Variants in GRIN3A observed in about 807,000 individuals in gnomAD.
GRIN3A encodes the protein glutamate ionotropic receptor NMDA type subunit 3A.
Under a neutral mutation model 92.4 loss-of-function variants are expected in GRIN3A, and 47 were observed. The observed-to-expected ratio is 0.51, with a 90% CI of 0.40 to 0.65. The LOEUF (loss-of-function observed/expected upper bound fraction) is 0.65. Ranked by LOEUF, GRIN3A falls within the 30% of genes least tolerant of loss-of-function variation. The pLI, the probability that GRIN3A is intolerant of heterozygous loss-of-function variation, is 0.00. For missense variants in GRIN3A, 1,324 were observed against 1,393.1 expected (o/e 0.95, Z 0.79); for synonymous variants, 527 against 540.6 (o/e 0.97, Z 0.35).
chr9:101,573,229 C>A lies in GRIN3A; in HGVS notation c.3293G>T (p.Ser1098Ile). Residue 1098 changes from serine (S) to isoleucine (I), a missense_variant, in exon 9 of 9, where the codon AGC (serine) becomes ATC (isoleucine). Physicochemically the swap from Ser to Ile is moderately radical, Grantham distance 142. Coordinates refer to ENST00000361820, the MANE Select transcript of GRIN3A (RefSeq NM_133445.3). ...VIRQELQLAV[S>I]RKTELEEYQR... Reference sequence around the variant, plus strand: ...ATACTCCTCCAGCTCCGTTTTCCTGCTCACAGCCAGCTGCAGCTCCTGACG... The same window carrying A: ...ATACTCCTCCAGCTCCGTTTTCCTGATCACAGCCAGCTGCAGCTCCTGACG... 3 of 1,614,130 alleles carry A rather than the reference C, an allele frequency of 1.9e-6. No homozygotes were observed. Among genetic ancestry groups the A allele is most frequent in the Non-Finnish European group, 2.5e-6 (3 of 1,179,980 alleles).
chr9:101,737,243 A>C, intron 1 of GRIN3A, 38 bp downstream of exon 1: 1 of 1,560,464 alleles, frequency 6.4e-7, no homozygotes, highest in Non-Finnish European at 8.8e-7. Flanking sequence ...GGCCCCCAGC[A>C]GCGCCCATCT....
intron 6 of GRIN3A, chr9:101,595,062 G>T (rs1588240997): frequency 1.1e-6 from 1 of 899,204 alleles, no homozygotes; most frequent in East Asian, 2.6e-5. Context: ...GAGCAAAAGG[G>T]CAGGGGAGCG....
intron 6 of GRIN3A, chr9:101,593,000 C>T (rs1053573852): frequency 2.6e-5 from 4 of 152,188 alleles, no homozygotes; most frequent in Non-Finnish European, 4.4e-5. Flanking sequence ...GATGCTGGGA[C>T]AAGTCCTAGC....
intron 6 of GRIN3A, chr9:101,595,019 G>T (rs1588240960): frequency 2.8e-6 from 4 of 1,450,590 alleles, no homozygotes; most frequent in Non-Finnish European, 3.7e-6. Context: ...TGGGCCATGG[G>T]GTGGGGGTAG....
At chr9:101,582,300 T>A (rs571769075) in intron 6 of GRIN3A, among the ~76,000 whole-genome samples, 1 of 152,286 alleles carries the variant, frequency 6.6e-6, no homozygotes, top group South Asian at 2.1e-4. Context: ...TCTCTTTCCC[T>A]CCATGCCAGT....
In GRIN3A at chr9:101,686,927, C is replaced by T. The variant is rs549638238; in HGVS notation, c.973G>A (p.Val325Met). Residue 325 changes from valine to methionine, a missense_variant, in exon 2 of 9, where the codon GTG (valine) becomes ATG (methionine). Physicochemically the swap from Val to Met is conservative, Grantham distance 21 (BLOSUM62 1). Coordinates refer to ENST00000361820, the MANE Select transcript of GRIN3A (RefSeq NM_133445.3). ...LESIKNSTPT[V>M]VMFGCDMESI... The stretch of plus-strand genomic sequence containing the variant: ...TCCATGTCGCAGCCAAACATCACCA[C>T]TGTGGGTGTGCTGTTCTTAATACTC... The T allele has an allele frequency of 2.5e-6, 4 of 1,614,200 alleles. No homozygotes were observed. The highest frequency in any genetic ancestry group is 1.7e-5 in the Admixed American group (1 of 60,022).
At chr9:101,646,267 T>G (rs547469133) in intron 3 of GRIN3A, among the ~76,000 whole-genome samples, 1 of 151,732 alleles carries the variant, frequency 6.6e-6, no homozygotes, top group Non-Finnish European at 1.5e-5. Context: ...GAGATGGGGG[T>G]CTAGTTTTAT....
intron 1 of GRIN3A, among the ~76,000 whole-genome samples, chr9:101,728,128 A>G (rs1011439498): frequency 3.9e-5 from 6 of 152,248 alleles, no homozygotes; most frequent in Admixed American, 6.5e-5. Flanking sequence ...GCACTCCACA[A>G]CTAAGCCAGA....
chr9:101,720,641 A>G (rs1830000031), intron 1 of GRIN3A, among the ~76,000 whole-genome samples: 1 of 152,222 alleles, frequency 6.6e-6, no homozygotes, highest in Non-Finnish European at 1.5e-5. Context: ...GGAAAAATCA[A>G]TTTTGAATTA....
chr9:101,720,007 T>C (rs566561767), intron 1 of GRIN3A, among the ~76,000 whole-genome samples: 102 of 152,236 alleles, frequency 6.7e-4, no homozygotes, highest in Admixed American at 5.1e-3. Flanking sequence ...TCCCTGACCA[T>C]GGGAGCATCC....
chr9:101,585,778 C>T (rs1827943927), intron 6 of GRIN3A, among the ~76,000 whole-genome samples: 1 of 152,184 alleles, frequency 6.6e-6, no homozygotes, highest in African/African-American at 2.4e-5. Flanking sequence ...AGTTGTTTTC[C>T]CTAACCCCTT....
At chr9:101,672,759 T>C (rs1038807885) in intron 2 of GRIN3A, among the ~76,000 whole-genome samples, 4 of 152,162 alleles carry the variant, frequency 2.6e-5, no homozygotes, top group South Asian at 2.1e-4. Context: ...TTTTGGAAGA[T>C]TGTTTGTAAT....
chr9:101,670,046 A>T lies in GRIN3A; in HGVS notation c.2352+14T>A, dbSNP rs776368641. 2.0e-5 allele frequency: 31 copies of T among 1,571,530 alleles called. 1 individual carries two copies. The Admixed American group carries it at 4.8e-4, about 25-fold the overall frequency. On this transcript the variant is annotated intron_variant, in intron 3 of 8. Coordinates refer to ENST00000361820, the MANE Select transcript of GRIN3A (RefSeq NM_133445.3). Reference sequence around the variant, plus strand: ...ATGGACAATCAAGAAAGCTAAAGTAAAATGAAGTATTACCTTGGGGTCATG... The same window carrying T: ...ATGGACAATCAAGAAAGCTAAAGTATAATGAAGTATTACCTTGGGGTCATG...
In GRIN3A at chr9:101,738,643, C is replaced by T. The variant is rs1830251478; in HGVS notation, c.-664G>A. 1 of 153,614 alleles carries T rather than the reference C, an allele frequency of 6.5e-6. No homozygotes were observed. Among genetic ancestry groups the T allele is most frequent in the Non-Finnish European group, 1.4e-5 (1 of 69,228 alleles). 9.5% of individuals were successfully genotyped at this position (153,614 alleles called of 1,614,324 possible). ...CGCTTGCTTCCTCGGAGGAGCAACG[C>T]GACTGGCCAGCAAAGGGTGGCTCTG... is the stretch of plus-strand genomic sequence containing the variant. On this transcript the variant is annotated 5_prime_UTR_variant, in exon 1 of 9. Coordinates refer to ENST00000361820, the MANE Select transcript of GRIN3A (RefSeq NM_133445.3).
At chr9:101,631,928 C>A (rs1828720823) in intron 3 of GRIN3A, among the ~76,000 whole-genome samples, 1 of 152,182 alleles carries the variant, frequency 6.6e-6, no homozygotes, top group South Asian at 2.1e-4. Context: ...GAATTCAGAT[C>A]TGATCATGTC....
intron 6 of GRIN3A, among the ~76,000 whole-genome samples, chr9:101,589,628 GA>G: frequency 6.6e-6 from 1 of 151,368 alleles, no homozygotes; most frequent in East Asian, 1.9e-4. Context: ...GCTTTTTTTT[GA>G]AAAACTGCTA....
At chr9:101,635,392 G>A (rs1188663126) in intron 3 of GRIN3A, among the ~76,000 whole-genome samples, 1 of 152,142 alleles carries the variant, frequency 6.6e-6, no homozygotes, top group Admixed American at 6.5e-5. Flanking sequence ...AGGTGAGTAA[G>A]TACAAAAGAA....
chr9:101,695,425 C>T (rs1481693370), intron 1 of GRIN3A, among the ~76,000 whole-genome samples: 1 of 152,082 alleles, frequency 6.6e-6, no homozygotes, highest in African/African-American at 2.4e-5. Flanking sequence ...AGAAATAAGG[C>T]CCCCAGTTTG....
chr9:101,574,674 A>G (rs1361402041), intron 8 of GRIN3A, among the ~76,000 whole-genome samples: 1 of 152,204 alleles, frequency 6.6e-6, no homozygotes, highest in South Asian at 2.1e-4. Flanking sequence ...GCTTGTACCT[A>G]TGCTGAATCT....
Sources: allele counts gnomAD v4.1 joint callset (sites outside exome capture counted in the v4.1 genomes callset), GRCh38; gene constraint gnomAD v4.1.1; transcripts MANE v1.5; gene names NCBI Gene and HGNC (gene_info 2026-07-23, HGNC 2026-07-21).